The following KIFAP3 variants were observed in gnomAD, a reference collection of about 807,000 sequenced individuals.
KIFAP3 encodes the protein kinesin associated protein 3, also known as kinesin-associated protein 3.
KIFAP3 carries 68 observed loss-of-function variants against 106.5 expected under a neutral mutation model. The ratio of observed to expected loss-of-function variants is 0.64; its 90% CI spans 0.53 to 0.78. KIFAP3 has a LOEUF of 0.78. KIFAP3 is among the 30% of genes least tolerant of loss of function. The probability of loss-of-function intolerance (pLI) is 0.00; values close to 1 mark genes in which losing one functional copy is unlikely to be tolerated. For missense variants in KIFAP3, 780 were observed against 941.8 expected, an observed-to-expected ratio of 0.83 and a Z score of 2.25; for synonymous variants, 320 against 311.5, an observed-to-expected ratio of 1.03 and a Z score of -0.29.
In KIFAP3 at chr1:169,985,699, G is replaced by C. The variant is rs916936789; in HGVS notation, c.1285-1009C>G. Among the ~76,000 whole-genome samples, 5 of 151,934 alleles carry C rather than the reference G, an allele frequency of 3.3e-5. No homozygotes were observed. The South Asian group carries it at 1.0e-3, about 32-fold the overall frequency. The stretch of plus-strand genomic sequence containing the variant: ...TATAATTTTAGGAACTGGCATATAT[G>C]GTTGAAAACTGAAGCTGCAGGCTAA... On this transcript the variant is annotated intron_variant, in intron 11 of 19. Coordinates refer to ENST00000361580, the MANE Select transcript of KIFAP3 (RefSeq NM_014970.4).
chr1:170,003,940 T>G (rs556021651), intron 10 of KIFAP3, among the ~76,000 whole-genome samples: 1 of 152,124 alleles, frequency 6.6e-6, no homozygotes, highest in Non-Finnish European at 1.5e-5. Context: ...GCAGATGACA[T>G]GATTGTATAT....
intron 10 of KIFAP3, among the ~76,000 whole-genome samples, chr1:169,996,774 C>T (rs1217090010): frequency 1.3e-5 from 2 of 152,070 alleles, no homozygotes; most frequent in Non-Finnish European, 2.9e-5. Context: ...GTACGATCTG[C>T]TGGACCTGGG....
At chr1:169,984,527 A>T in intron 12 of KIFAP3, 55 bp downstream of exon 12, 1 of 743,998 alleles carries the variant, frequency 1.3e-6, no homozygotes, top group Non-Finnish European at 2.3e-6. Context: ...TCTATTTTCC[A>T]TCATATACCA....
At chr1:170,017,071 G>C (rs934441635) in intron 9 of KIFAP3, among the ~76,000 whole-genome samples, 2 of 151,990 alleles carry the variant, frequency 1.3e-5, no homozygotes, top group African/African-American at 4.8e-5. Context: ...ATCCTGGCCA[G>C]CGTGGTGAAA....
rs74231898 is a variant in KIFAP3, at chr1:170,021,346, T to C, written c.1020+3072A>G. On this transcript the variant is annotated intron_variant, in intron 9 of 19. Coordinates refer to ENST00000361580, the MANE Select transcript of KIFAP3 (RefSeq NM_014970.4). The stretch of plus-strand genomic sequence containing the variant: ...TTGTTGCTAATTATATCAGGTAGTA[T>C]TTTCCTTTTGGAAAAAAAACAGTGT... Among the ~76,000 whole-genome samples the C allele has an allele frequency of 6.0e-3, 916 of 151,970 alleles. 52 individuals are homozygous for C. The East Asian group carries it at 0.12, about 20-fold the overall frequency.
intron 3 of KIFAP3, among the ~76,000 whole-genome samples, chr1:170,041,518 G>C (rs1188291150): frequency 6.6e-6 from 1 of 152,152 alleles, no homozygotes; most frequent in African/African-American, 2.4e-5. Context: ...TTACAATTTA[G>C]TGGTGAACTC....
chr1:170,039,168 T>C (rs1051519602), intron 4 of KIFAP3, 65 bp downstream of exon 4: 3 of 894,318 alleles, frequency 3.4e-6, no homozygotes, highest in Admixed American at 2.2e-5. Flanking sequence ...GTGTGTATTA[T>C]TGATGGAAAA....
At chr1:169,983,907 T>C (rs1385891336) in intron 12 of KIFAP3, among the ~76,000 whole-genome samples, 1 of 151,854 alleles carries the variant, frequency 6.6e-6, no homozygotes, top group South Asian at 2.1e-4. Context: ...AAGTAAACTA[T>C]GGCAAAATTC....
At chr1:169,978,028 T>C in intron 16 of KIFAP3, 57 bp downstream of exon 16, 2 of 1,067,730 alleles carry the variant, frequency 1.9e-6, no homozygotes, top group Non-Finnish European at 2.8e-6. Context: ...AACTCAAAGA[T>C]GCATCTTTTC....
chr1:170,064,142 G>C (rs9426889), intron 1 of KIFAP3, among the ~76,000 whole-genome samples: 40,174 of 152,062 alleles, frequency 0.26, 6,158 homozygotes, highest in East Asian at 0.48. Flanking sequence ...AATGCCAATA[G>C]CTTGAACATT....
rs139976844 is a variant in KIFAP3, at chr1:169,932,231, T to C, written c.2274-10450A>G. The stretch of plus-strand genomic sequence containing the variant: ...GCACATGCCAAAAGGAAAATGTTTC[T>C]GATGTTGAACAGAGAGGAAAGTTCT... On this transcript the variant is annotated intron_variant, in intron 19 of 19. Transcript: ENST00000361580. Among the ~76,000 whole-genome samples the C allele has an allele frequency of 1.3e-4, 20 of 152,254 alleles. No homozygotes were observed. The East Asian group carries it at 3.9e-3, about 29-fold the overall frequency.
chr1:170,037,374 T>C (rs972461488), intron 5 of KIFAP3, among the ~76,000 whole-genome samples: 5 of 152,158 alleles, frequency 3.3e-5, no homozygotes, highest in African/African-American at 4.8e-5. Context: ...AACCAGATAA[T>C]AAATACATCT....
Position 169,921,640 on chromosome 1 carries a change from T to C in KIFAP3, c.*36A>G. 1.3e-6 allele frequency: 2 copies of C among 1,535,182 alleles called. No homozygotes were observed. The highest frequency in any genetic ancestry group is 1.8e-6 in the Non-Finnish European group (2 of 1,109,774). On this transcript the variant is annotated 3_prime_UTR_variant, in exon 20 of 20. Coordinates refer to ENST00000361580, the MANE Select transcript of KIFAP3 (RefSeq NM_014970.4). ...ATTAACCCAACCCACACAGATTTCT[T>C]CTAAGCTGAGATTACACATGGAAAC...
At chr1:170,041,032 C>T (rs1669948195) in intron 3 of KIFAP3, among the ~76,000 whole-genome samples, 2 of 152,024 alleles carry the variant, frequency 1.3e-5, no homozygotes, top group Non-Finnish European at 1.5e-5. Context: ...ACCATGTTGG[C>T]CAGGATGGTC....
At chr1:170,025,589 T>C (rs561767259) in intron 8 of KIFAP3, among the ~76,000 whole-genome samples, 1 of 152,328 alleles carries the variant, frequency 6.6e-6, no homozygotes, top group East Asian at 1.9e-4. Context: ...CCTGTTGATG[T>C]ATAAAGGCTG....
At position 170,016,044 on chromosome 1, in the gene KIFAP3, T is replaced by C. The variant is rs528462033; in HGVS notation, c.1183+418A>G. On this transcript the variant is annotated intron_variant, in intron 10 of 19. Transcript: ENST00000361580. ...TCTATTAAAAAAAATATACCCTTTT[T>C]AACTTAGTAACAAAAAGTTTCCACA... Among the ~76,000 whole-genome samples the C allele has an allele frequency of 8.5e-5, 13 of 152,264 alleles. No homozygotes were observed. The East Asian group carries it at 2.5e-3, about 29-fold the overall frequency.
At chr1:169,943,558 C>T (rs1215458704) in intron 19 of KIFAP3, among the ~76,000 whole-genome samples, 1 of 152,036 alleles carries the variant, frequency 6.6e-6, no homozygotes, top group African/African-American at 2.4e-5. Flanking sequence ...CAATTATATA[C>T]AATTTTGTTA....
intron 19 of KIFAP3, among the ~76,000 whole-genome samples, chr1:169,927,650 T>C (rs1663216512): frequency 6.6e-6 from 1 of 152,160 alleles, no homozygotes; most frequent in African/African-American, 2.4e-5. Context: ...ATTACATGAA[T>C]TCATGAATGA....
intron 7 of KIFAP3, among the ~76,000 whole-genome samples, chr1:170,033,914 A>G (rs1375423821): frequency 6.6e-6 from 1 of 151,844 alleles, no homozygotes; most frequent in Non-Finnish European, 1.5e-5. Context: ...ATTTTTATTT[A>G]TTAACAACAG....
Sources: allele counts gnomAD v4.1 joint callset (sites outside exome capture counted in the v4.1 genomes callset), GRCh38; gene constraint gnomAD v4.1.1; transcripts MANE v1.5; gene names NCBI Gene and HGNC (gene_info 2026-07-23, HGNC 2026-07-21).